Variants in RIMKLA observed in about 807,000 individuals in gnomAD.
RIMKLA encodes N-acetylaspartylglutamate synthase A.
In RIMKLA, 14 loss-of-function variants were observed where a neutral mutation model predicts 32.7. The observed-to-expected ratio is 0.43, with a 90% CI of 0.28 to 0.67. The LOEUF is 0.67. Ranked by LOEUF, RIMKLA falls within the 30% of genes least tolerant of loss-of-function variation. The pLI, the probability that RIMKLA is intolerant of heterozygous loss-of-function variation, is 0.18. For missense variants in RIMKLA, 410 were observed against 519.0 expected (o/e 0.79, Z 2.04); for synonymous variants, 176 against 204.1 (o/e 0.86, Z 1.18).
chr1:42,387,883 A>G (rs1341729814), intron 1 of RIMKLA, among the ~76,000 whole-genome samples: 3 of 144,544 alleles, frequency 2.1e-5, no homozygotes, highest in Non-Finnish European at 1.5e-5. Context: ...GAAAAAAAGA[A>G]GAAAACAGAA....
At position 42,410,264 on chromosome 1, in the gene RIMKLA, G is replaced by T. The variant is rs1643186017; in HGVS notation, c.685+77G>T. ...AATGTATATCGATCCCTACTGTCTTGTCAGACCCTCTGCTAGACACCAGGA... is the reference window on the plus strand; with the variant it reads ...AATGTATATCGATCCCTACTGTCTTTTCAGACCCTCTGCTAGACACCAGGA... On this transcript the variant is annotated intron_variant, in intron 4 of 4. Transcript: ENST00000431473. The T allele has an allele frequency of 9.9e-6, 12 of 1,212,788 alleles. No individual in the cohort carries two copies. In the South Asian group the frequency reaches 1.5e-4, roughly 15 times the overall value. 75.1% of individuals were successfully genotyped at this position (1,212,788 alleles called of 1,614,324 possible). A position where few individuals can be genotyped will look rare whatever the true frequency, so the allele number is the denominator to read the frequency against.
rs1643298050 is a variant in RIMKLA, at chr1:42,421,831, A to T, written c.*6857A>T. 1 of 152,198 alleles carries T rather than the reference A, an allele frequency of 6.6e-6. No individual in the cohort carries two copies. Among genetic ancestry groups the T allele is most frequent in the Non-Finnish European group, 1.5e-5 (1 of 68,036 alleles). The allele number at this position is 152,198 out of a possible 1,614,324, so 9.4% of individuals were successfully genotyped here. On this transcript the variant is annotated 3_prime_UTR_variant, in exon 5 of 5. Coordinates refer to ENST00000431473, the MANE Select transcript of RIMKLA (RefSeq NM_173642.4). The surrounding 1 kb of genome is among the most constrained non-coding windows in gnomAD (Gnocchi z 4.6). ...AAGTATGTTAAAAACAGTAATAAAT[A>T]CTCAAAACTCATCACTTCCTAATTA...
At chr1:42,412,656 C>G in intron 4 of RIMKLA, 1 of 499,448 alleles carries the variant, frequency 2.0e-6, no homozygotes, top group Non-Finnish European at 4.0e-6. Context: ...TTCAGATTTG[C>G]CAACGTAACT....
At chr1:42,385,844 C>CTCTCTCTCTCTCTCTT (rs1184237388) in intron 1 of RIMKLA, among the ~76,000 whole-genome samples, 3 of 57,080 alleles carry the variant, frequency 5.3e-5, no homozygotes, top group Admixed American at 2.1e-4. Context: ...TTCTTTCTTT[C>CTCTCTCTCTCTCTCTT]TCTTTCTTTC....
chr1:42,390,328 G>A lies in RIMKLA; in HGVS notation c.164-9076G>A, dbSNP rs565054642. ...GCTGGGATTACAGGCGTGAGCCACCGTGCCCAGCTGAGAGGCTTTTCATAA... is the reference window on the plus strand; with the variant it reads ...GCTGGGATTACAGGCGTGAGCCACCATGCCCAGCTGAGAGGCTTTTCATAA... On this transcript the variant is annotated intron_variant, in intron 1 of 4. Transcript: ENST00000431473. Among the ~76,000 whole-genome samples, 9 of 152,278 alleles carry A rather than the reference G, an allele frequency of 5.9e-5. No homozygotes were observed. In the East Asian group the frequency reaches 7.7e-4, roughly 13 times the overall value.
rs1351831487 is a variant in RIMKLA at position 42,423,679 on chromosome 1, A to T, written c.*8705A>T. Among the ~76,000 whole-genome samples, 8 of 152,116 alleles carry T rather than the reference A, an allele frequency of 5.3e-5. No homozygotes were observed. Among genetic ancestry groups the T allele is most frequent in the Admixed American group, 3.9e-4 (6 of 15,276 alleles). On this transcript the variant is annotated 3_prime_UTR_variant, in exon 5 of 5. Transcript: ENST00000431473. ...CCTCTCCTCAAAGAATAAGCCTGTGACACTTCCCCTTCTACTTCCCAGAGT... is the reference window on the plus strand; with the variant it reads ...CCTCTCCTCAAAGAATAAGCCTGTGTCACTTCCCCTTCTACTTCCCAGAGT...
intron 1 of RIMKLA, among the ~76,000 whole-genome samples, chr1:42,397,518 T>C (rs1643057826): frequency 6.6e-6 from 1 of 151,992 alleles, no homozygotes; most frequent in Non-Finnish European, 1.5e-5. Context: ...AGACTGGGAG[T>C]TTGAGACCAG....
intron 4 of RIMKLA, among the ~76,000 whole-genome samples, chr1:42,414,154 T>A (rs760673694): frequency 2.0e-5 from 3 of 152,042 alleles, no homozygotes; most frequent in African/African-American, 4.8e-5. Flanking sequence ...TATTGAATAT[T>A]TATTAAGTGC....
At position 42,419,241 on chromosome 1, in the gene RIMKLA, T is replaced by G. The variant is rs1643276199; in HGVS notation, c.*4267T>G. Reference sequence around the variant, plus strand: ...GCTGAATGTGGAAACTTTCTTCTTTTAAGCCTTTCCATTTCCTTCTCTAGG... The same window carrying G: ...GCTGAATGTGGAAACTTTCTTCTTTGAAGCCTTTCCATTTCCTTCTCTAGG... On this transcript the variant is annotated 3_prime_UTR_variant, in exon 5 of 5. Coordinates refer to ENST00000431473, the MANE Select transcript of RIMKLA (RefSeq NM_173642.4). The G allele has an allele frequency of 6.6e-6, 1 of 152,238 alleles. No homozygotes were observed. The highest frequency in any genetic ancestry group is 2.4e-5 in the African/African-American group (1 of 41,454). The allele number at this position is 152,238 out of a possible 1,614,324, so 9.4% of individuals were successfully genotyped here.
intron 1 of RIMKLA, among the ~76,000 whole-genome samples, chr1:42,397,485 G>C (rs1159402646): frequency 6.6e-6 from 1 of 152,162 alleles, no homozygotes; most frequent in African/African-American, 2.4e-5. Flanking sequence ...CACTTTGGGA[G>C]GCCAAGGCAG....
At chr1:42,409,958 T>G in intron 3 of RIMKLA, 26 bp from the exon 4 acceptor site, 1 of 1,594,352 alleles carries the variant, frequency 6.3e-7, no homozygotes, top group Non-Finnish European at 8.6e-7. Context: ...CTCTAACCCC[T>G]TCTCTTGCTC....
chr1:42,395,360 GTT>G (rs71962302), intron 1 of RIMKLA, among the ~76,000 whole-genome samples: 12 of 138,726 alleles, frequency 8.7e-5, no homozygotes, highest in African/African-American at 1.8e-4. Context: ...GGTTGTTTTA[GTT>G]TTTTTTTTTT....
chr1:42,396,882 A>C (rs560331950), intron 1 of RIMKLA, among the ~76,000 whole-genome samples: 1 of 152,176 alleles, frequency 6.6e-6, no homozygotes. Flanking sequence ...TGTATTTACT[A>C]TCTTAAGCAA....
chr1:42,380,997 G>C lies in RIMKLA; in HGVS notation c.63G>C (p.Gln21His). The C allele has an allele frequency of 6.9e-7, 1 of 1,443,664 alleles. No homozygotes were observed. The highest frequency in any genetic ancestry group is 9.1e-7 in the Non-Finnish European group (1 of 1,097,738). 89.4% of individuals were successfully genotyped at this position (1,443,664 alleles called of 1,614,324 possible). A position where few individuals can be genotyped will look rare whatever the true frequency, so the allele number is the denominator to read the frequency against. The change falls in exon 1 of 5, where the codon CAG becomes CAC. Residue 21 changes from glutamine to histidine, a missense_variant. By Grantham distance (24) the Gln-to-His change is conservative. Transcript: ENST00000431473. ...TCCGCGAGGACTACCCGCAGGTGCA[G>C]ATCCTGCGCGCCCTCCGGCAGCGCT... is the stretch of plus-strand genomic sequence containing the variant. ...RRIREDYPQV[Q>H]ILRALRQRCS...
In RIMKLA at chr1:42,381,001, C is replaced by T; in HGVS notation, c.67C>T (p.Leu23=). 1.4e-6 allele frequency: 2 copies of T among 1,441,100 alleles called. No homozygotes were observed. Among genetic ancestry groups the T allele is most frequent in the Non-Finnish European group, 1.8e-6 (2 of 1,096,350 alleles). 89.3% of individuals were successfully genotyped at this position (1,441,100 alleles called of 1,614,324 possible). A position where few individuals can be genotyped will look rare whatever the true frequency, so the allele number is the denominator to read the frequency against. ...CGAGGACTACCCGCAGGTGCAGATC[C>T]TGCGCGCCCTCCGGCAGCGCTGCTC... is the stretch of plus-strand genomic sequence containing the variant. ...IREDYPQVQI[L]RALRQRCSEQ... is the part of the protein sequence containing the mutation. Residue 23 remains leucine (L), a synonymous_variant, in exon 1 of 5, where the codon CTG becomes TTG. Transcript: ENST00000431473.
intron 1 of RIMKLA, among the ~76,000 whole-genome samples, chr1:42,386,025 A>G (rs1642943517): frequency 6.6e-6 from 1 of 150,872 alleles, no homozygotes; most frequent in Admixed American, 6.6e-5. Context: ...GGGTTCGTGC[A>G]GTTCTCCTGC....
chr1:42,411,396 C>G (rs1570330236), intron 4 of RIMKLA, among the ~76,000 whole-genome samples: 1 of 150,568 alleles, frequency 6.6e-6, no homozygotes, highest in East Asian at 1.9e-4. Context: ...GTGTTGGTGT[C>G]AAATGCTAGA....
intron 2 of RIMKLA, among the ~76,000 whole-genome samples, chr1:42,401,267 G>A (rs900975836): frequency 6.6e-6 from 1 of 152,162 alleles, no homozygotes; most frequent in African/African-American, 2.4e-5. Flanking sequence ...ACCTCCTGAT[G>A]TGCCGCCCGG....
At chr1:42,403,172 C>T (rs540066977) in intron 2 of RIMKLA, among the ~76,000 whole-genome samples, 3 of 147,506 alleles carry the variant, frequency 2.0e-5, no homozygotes, top group East Asian at 2.0e-4. Context: ...GAAAGCCCTC[C>T]AGACTTATCT....
Sources: gnomAD v4.1 joint callset for allele counts (sites outside exome capture counted in the v4.1 genomes callset) on GRCh38, gnomAD v4.1.1 for gene constraint, Gnocchi (gnomAD v3.1) non-coding constraint, MANE v1.5 for transcripts, NCBI Gene and HGNC (gene_info 2026-07-23, HGNC 2026-07-21) for gene names.